AKAP6: variants seen among roughly 807,000 people sequenced by gnomAD.
AKAP6 encodes the protein A-kinase anchoring protein 6, also known as A-kinase anchor protein 6.
A neutral mutation model predicts 188.5 loss-of-function variants in AKAP6; 58 were observed. The observed-to-expected ratio is 0.31, with a 90% CI of 0.25 to 0.38. The LOEUF is 0.38. AKAP6 is among the 10% of genes least tolerant of loss of function. The pLI is 1.00. For synonymous variants in AKAP6, 989 were observed against 998.6 expected, an observed-to-expected ratio of 0.99 and a Z score of 0.18; for missense variants, 2,710 against 2,740.0, an observed-to-expected ratio of 0.99 and a Z score of 0.24.
At chr14:32,558,585 T>G (rs973136665) in intron 4 of AKAP6, among the ~76,000 whole-genome samples, 1 of 152,130 alleles carries the variant, frequency 6.6e-6, no homozygotes, top group African/African-American at 2.4e-5. Context: ...TCAAGGTATG[T>G]TTGGGTGATA....
rs183887639 is a variant in AKAP6, at chr14:32,345,132, A to G, written c.-35+15724A>G. ...GAAATGTTTTCATAGAAGGGATTTT[A>G]GGGCCAATGAATATTAAAATTCATA... On this transcript the variant is annotated intron_variant, in intron 1 of 13. Coordinates refer to ENST00000280979, the MANE Select transcript of AKAP6 (RefSeq NM_004274.5). Among the ~76,000 whole-genome samples, 22 of 152,306 alleles carry G rather than the reference A, an allele frequency of 1.4e-4. No homozygotes were observed. The East Asian group carries it at 4.2e-3, about 29-fold the overall frequency.
chr14:32,510,451 C>CGT (rs1881180935), intron 2 of AKAP6, among the ~76,000 whole-genome samples: 41 of 35,798 alleles, frequency 1.1e-3, no homozygotes, highest in African/African-American at 3.7e-3. Flanking sequence ...TATATATATA[C>CGT]ATATATATGT....
rs577316476 is a variant in AKAP6 at position 32,533,160 on chromosome 14, T to C, written c.325-2394T>C. 2.0e-5 allele frequency among the ~76,000 whole-genome samples: 3 copies of C among 152,296 alleles called. No homozygotes were observed. In the East Asian group the frequency reaches 5.8e-4, roughly 29 times the overall value. On this transcript the variant is annotated intron_variant, in intron 2 of 13. Transcript: ENST00000280979. ...GGTTCATCATTGTCAATACTGACAT[T>C]ACCAAAGATAACGCCATGCTTGGTA...
intron 12 of AKAP6, among the ~76,000 whole-genome samples, chr14:32,782,961 G>A (rs1397693823): frequency 3.9e-5 from 6 of 151,930 alleles, no homozygotes; most frequent in African/African-American, 1.4e-4. Context: ...GCAACTTTGA[G>A]AAAGATGAGT....
intron 1 of AKAP6, among the ~76,000 whole-genome samples, chr14:32,386,697 G>T (rs1454500849): frequency 6.6e-6 from 1 of 152,102 alleles, no homozygotes; most frequent in African/African-American, 2.4e-5. Flanking sequence ...ATGTCTAGAA[G>T]GGTTTTTCTA....
intron 12 of AKAP6, among the ~76,000 whole-genome samples, chr14:32,798,669 C>T (rs1280142539): frequency 6.6e-6 from 1 of 152,018 alleles, no homozygotes; most frequent in Non-Finnish European, 1.5e-5. Flanking sequence ...GGGAGCTAAA[C>T]ATTGAGTACA....
chr14:32,631,167 T>C (rs1887254337), intron 7 of AKAP6, among the ~76,000 whole-genome samples: 2 of 152,198 alleles, frequency 1.3e-5, no homozygotes, highest in South Asian at 4.1e-4. Context: ...TTACTAAAAT[T>C]TCATATGGCA....
At chr14:32,549,908 G>A (rs1000073873) in intron 4 of AKAP6, among the ~76,000 whole-genome samples, 7 of 152,194 alleles carry the variant, frequency 4.6e-5, no homozygotes, top group African/African-American at 1.2e-4. Context: ...CAGACATGGC[G>A]GTGACCAGGG....
At chr14:32,602,982 G>A (rs1885991867) in intron 7 of AKAP6, among the ~76,000 whole-genome samples, 1 of 152,178 alleles carries the variant, frequency 6.6e-6, no homozygotes, top group Admixed American at 6.6e-5. Context: ...TGAAGTGTGA[G>A]CAACAGATTT....
chr14:32,453,742 G>A (rs1175175234), intron 2 of AKAP6, among the ~76,000 whole-genome samples: 4 of 149,878 alleles, frequency 2.7e-5, no homozygotes, highest in Admixed American at 1.3e-4. Context: ...GACTACAGGC[G>A]CCCGCCACTG....
intron 5 of AKAP6, among the ~76,000 whole-genome samples, chr14:32,598,792 C>T (rs1367319104): frequency 6.6e-6 from 1 of 152,100 alleles, no homozygotes; most frequent in South Asian, 2.1e-4. Flanking sequence ...GGATAACTAT[C>T]ATGAGTGAAA....
chr14:32,748,443 C>T (rs2031997546), intron 11 of AKAP6, among the ~76,000 whole-genome samples: 1 of 152,126 alleles, frequency 6.6e-6, no homozygotes, highest in African/African-American at 2.4e-5. Context: ...CTACTAAGAG[C>T]TCAATATATT....
intron 9 of AKAP6, among the ~76,000 whole-genome samples, chr14:32,702,702 C>T (rs1890661679): frequency 6.6e-6 from 1 of 152,158 alleles, no homozygotes; most frequent in African/African-American, 2.4e-5. Flanking sequence ...TCTGGGCTGG[C>T]CTCTGAGGCA....
intron 1 of AKAP6, among the ~76,000 whole-genome samples, chr14:32,332,117 A>G (rs1410235207): frequency 6.6e-6 from 1 of 152,014 alleles, no homozygotes; most frequent in Non-Finnish European, 1.5e-5. Flanking sequence ...TATTATTCAC[A>G]TTTTGCAAAA....
chr14:32,664,327 T>A (rs987543222), intron 7 of AKAP6, among the ~76,000 whole-genome samples: 1 of 152,080 alleles, frequency 6.6e-6, no homozygotes, highest in Non-Finnish European at 1.5e-5. Flanking sequence ...GAATCATTGT[T>A]GTAGAGTTGT....
At chr14:32,348,427 T>TTTTTTC in intron 1 of AKAP6, among the ~76,000 whole-genome samples, 1 of 148,032 alleles carries the variant, frequency 6.8e-6, no homozygotes. Flanking sequence ...CTTTTTTTTT[T>TTTTTTC]TTTTTTTTAA....
At chr14:32,524,423 T>G (rs900445125) in intron 2 of AKAP6, among the ~76,000 whole-genome samples, 9 of 152,238 alleles carry the variant, frequency 5.9e-5, no homozygotes, top group African/African-American at 2.2e-4. Context: ...AAGCCATATA[T>G]ATAAACATCT....
At chr14:32,754,106 G>C (rs117754782) in intron 11 of AKAP6, among the ~76,000 whole-genome samples, 5,340 of 152,008 alleles carry the variant, frequency 0.035, 119 homozygotes, top group East Asian at 0.073. Context: ...GCAGGGTATT[G>C]AAGGCTCCTA....
At chr14:32,752,356 C>T (rs1414715886) in intron 11 of AKAP6, among the ~76,000 whole-genome samples, 1 of 152,166 alleles carries the variant, frequency 6.6e-6, no homozygotes. Context: ...GAGCATGTTT[C>T]AACCAACCTG....
Sources: gnomAD v4.1 joint callset for allele counts (sites outside exome capture counted in the v4.1 genomes callset) on GRCh38, gnomAD v4.1.1 for gene constraint, MANE v1.5 for transcripts, NCBI Gene and HGNC (gene_info 2026-07-23, HGNC 2026-07-21) for gene names.